The following FOXD2 variants were observed in gnomAD, a reference collection of about 807,000 sequenced individuals.
FOXD2 encodes forkhead box protein D2.
In FOXD2, 4 loss-of-function variants were observed where a neutral mutation model predicts 6.4. The ratio of observed to expected loss-of-function variants is 0.62; its 90% CI spans 0.31 to 1.42. The LOEUF is 1.42. Among genes scored for constraint, FOXD2 ranks in the 40% most tolerant of loss-of-function variants. FOXD2 has a pLI of 0.08. For synonymous variants in FOXD2, 393 were observed against 373.6 expected (o/e 1.05, Z -0.60); for missense variants, 709 against 766.8 (o/e 0.92, Z 0.89).
rs909981481 is a variant in FOXD2, at chr1:47,439,304, G to A, written c.1169G>A (p.Gly390Asp). 3 of 1,480,980 alleles carry A rather than the reference G, an allele frequency of 2.0e-6. No homozygotes were observed. Among genetic ancestry groups the A allele is most frequent in the Admixed American group, 5.3e-5 (2 of 37,850 alleles). 91.7% of individuals were successfully genotyped at this position (1,480,980 alleles called of 1,614,324 possible). ...CTGCCCACCGCACTTCTGCGCCAGG[G>A]CCTCAAGACGGACGCGGGCGGTGGT... is the stretch of plus-strand genomic sequence containing the variant. ...AGLPTALLRQ[G>D]LKTDAGGGAG... The change falls in exon 1 of 1, where the codon GGC (glycine) becomes GAC (aspartate). Residue 390 changes from glycine to aspartate, a missense_variant. This residue lies in a region of FOXD2 where 322 missense variants were observed against 313.8 expected (regional missense o/e 1.03). Transcript: ENST00000334793.
rs1272259073 is a variant in FOXD2, at chr1:47,438,521, C to G, written c.386C>G (p.Pro129Arg). The G allele has an allele frequency of 6.2e-7, 1 of 1,609,332 alleles. No homozygotes were observed. The change falls in exon 1 of 1, where the codon CCC becomes CGC. Residue 129 changes from proline (P) to arginine (R), a missense_variant. This residue lies in a region of FOXD2 where 69 missense variants were observed against 145.6 expected (regional missense o/e 0.47). Coordinates refer to ENST00000334793, the MANE Select transcript of FOXD2 (RefSeq NM_004474.4). ...AATRSPLVKPPYSYIALITMA... is the reference protein window; with the variant it reads ...AATRSPLVKPRYSYIALITMA... ...ACGCGGAGCCCGCTGGTGAAGCCGC[C>G]CTACTCGTACATCGCGCTCATCACC...
chr1:47,439,762 T>C lies in FOXD2; in HGVS notation c.*139T>C. The C allele has an allele frequency of 2.7e-6, 2 of 740,744 alleles. No individual in the cohort carries two copies. The highest frequency in any genetic ancestry group is 4.3e-6 in the Non-Finnish European group (2 of 460,874). The allele number at this position is 740,744 out of a possible 1,614,324, so 45.9% of individuals were successfully genotyped here. On this transcript the variant is annotated 3_prime_UTR_variant, in exon 1 of 1. Coordinates refer to ENST00000334793, the MANE Select transcript of FOXD2 (RefSeq NM_004474.4). ...GCACGCGTGACACGGCACTTCAGGC[T>C]CCACGCACAGAATCTCGCAGATAGT...
In FOXD2 at chr1:47,439,559, C is replaced by T. The variant is rs746202252; in HGVS notation, c.1424C>T (p.Ala475Val). 3.2e-6 allele frequency: 5 copies of T among 1,555,344 alleles called. No individual in the cohort carries two copies. In the East Asian group the frequency reaches 1.2e-4, roughly 37 times the overall value. The change falls in exon 1 of 1, where the codon GCG (alanine) becomes GTG (valine). Residue 475 changes from alanine (A) to valine (V), a missense_variant. Transcript: ENST00000334793. ...ATTCGCCTCTCGCATCCCGGGGACG[C>T]GCTGCTGTCCTCAGGGTCCCGGTTT... The part of the protein sequence containing the change: ...GHIRLSHPGD[A>V]LLSSGSRFAS...
rs1326050737 is a variant in FOXD2, at chr1:47,438,204, C to A, written c.69C>A (p.Ala23=). ...GCTCCCCGGCCGCGCTGTCCGAGGC[C>A]GACGCAGACATAGACGTGGTGGGCG... ...SESSPAALSE[A]DADIDVVGGG... The change falls in exon 1 of 1, where the codon GCC becomes GCA. Residue 23 remains alanine (A), a synonymous_variant. Transcript: ENST00000334793. The A allele has an allele frequency of 6.9e-7, 1 of 1,457,260 alleles. No homozygotes were observed. The highest frequency in any genetic ancestry group is 9.0e-7 in the Non-Finnish European group (1 of 1,109,560). The allele number at this position is 1,457,260 out of a possible 1,614,324, so 90.3% of individuals were successfully genotyped here. A position where few individuals can be genotyped will look rare whatever the true frequency, so the allele number is the denominator to read the frequency against.
rs1444951858 is a variant in FOXD2, at chr1:47,438,981, G to A, written c.846G>A (p.Pro282=). 4.2e-6 allele frequency: 6 copies of A among 1,425,774 alleles called. No homozygotes were observed. Among genetic ancestry groups the A allele is most frequent in the Admixed American group, 3.0e-5 (1 of 33,576 alleles). 88.3% of individuals were successfully genotyped at this position (1,425,774 alleles called of 1,614,324 possible). The change falls in exon 1 of 1, where the codon CCG becomes CCA. Residue 282 remains proline, a synonymous_variant. Coordinates refer to ENST00000334793, the MANE Select transcript of FOXD2 (RefSeq NM_004474.4). ...TCCCGGCCTACGGCGCACCCCCGCC[G>A]GGGCCGGCCCCGCATCCGCACCCGC... ...LALPAYGAPP[P]GPAPHPHPHP...
chr1:47,439,034 C>T lies in FOXD2; in HGVS notation c.899C>T (p.Ala300Val). ...PHPHAFAFAAAAAAAPCQLSV... is the reference protein window; with the variant it reads ...PHPHAFAFAAVAAAAPCQLSV... ...CCGCACGCCTTCGCTTTCGCCGCGG[C>T]AGCCGCCGCCGCTCCTTGCCAGCTG... The change falls in exon 1 of 1, where the codon GCA (alanine) becomes GTA (valine). Residue 300 changes from alanine (A) to valine (V), a missense_variant. Physicochemically the swap from Ala to Val is moderately conservative, Grantham distance 64 (BLOSUM62 0). This residue lies in a region of FOXD2 where 322 missense variants were observed against 313.8 expected (regional missense o/e 1.03). Transcript: ENST00000334793. The T allele has an allele frequency of 6.9e-7, 1 of 1,440,906 alleles. No individual in the cohort carries two copies. The highest frequency in any genetic ancestry group is 9.1e-7 in the Non-Finnish European group (1 of 1,102,044). The allele number at this position is 1,440,906 out of a possible 1,614,324, so 89.3% of individuals were successfully genotyped here.
Position 47,438,764 on chromosome 1 carries a change from T to A in FOXD2, c.629T>A (p.Met210Lys). 1 of 1,613,758 alleles carries A rather than the reference T, an allele frequency of 6.2e-7. No individual in the cohort carries two copies. The highest frequency in any genetic ancestry group is 8.5e-7 in the Non-Finnish European group (1 of 1,179,910). The change falls in exon 1 of 1, where the codon ATG (methionine) becomes AAG (lysine). Residue 210 changes from methionine to lysine, a missense_variant. By Grantham distance (95) the Met-to-Lys change is moderately conservative. This residue lies in a region of FOXD2 where 69 missense variants were observed against 145.6 expected (regional missense o/e 0.47). Transcript: ENST00000334793. Reference protein sequence around the residue: ...YWTLDPESADMFDNGSFLRRR... With the variant: ...YWTLDPESADKFDNGSFLRRR... ...ACGCTGGACCCGGAGTCGGCCGACA[T>A]GTTCGACAACGGCAGCTTCCTGCGG... is the stretch of plus-strand genomic sequence containing the variant.
Position 47,439,228 on chromosome 1 carries a change from G to A in FOXD2, c.1093G>A (p.Ala365Thr). ...FLGAELGCAK[A>T]FYAASLSPPA... ...GGGCGCGGAGCTGGGCTGCGCCAAA[G>A]CCTTCTACGCGGCGTCCCTGAGTCC... The change falls in exon 1 of 1, where the codon GCC (alanine) becomes ACC (threonine). Residue 365 changes from alanine (A) to threonine (T), a missense_variant. Transcript: ENST00000334793. The A allele has an allele frequency of 2.0e-6, 3 of 1,491,330 alleles. No homozygotes were observed. The highest frequency in any genetic ancestry group is 2.8e-5 in the East Asian group (1 of 35,484). 92.4% of individuals were successfully genotyped at this position (1,491,330 alleles called of 1,614,324 possible). A position where few individuals can be genotyped will look rare whatever the true frequency, so the allele number is the denominator to read the frequency against.
rs951196688 is a variant in FOXD2, at chr1:47,439,265, G to T, written c.1130G>T (p.Gly377Val). The T allele has an allele frequency of 1.3e-6, 2 of 1,504,052 alleles. No homozygotes were observed. The highest frequency in any genetic ancestry group is 1.8e-6 in the Non-Finnish European group (2 of 1,138,186). 93.2% of individuals were successfully genotyped at this position (1,504,052 alleles called of 1,614,324 possible). A position where few individuals can be genotyped will look rare whatever the true frequency, so the allele number is the denominator to read the frequency against. ...GCGTCCCTGAGTCCTCCCGCAGCCG[G>T]CACCGCGGCGGGTCTGCCCACCGCA... ...YAASLSPPAA[G>V]TAAGLPTALL... Residue 377 changes from glycine (G) to valine (V), a missense_variant, in exon 1 of 1, where the codon GGC (glycine) becomes GTC (valine). Gly to Val is a moderately radical substitution (Grantham distance 109, BLOSUM62 -3). This residue lies in a region of FOXD2 where 322 missense variants were observed against 313.8 expected (regional missense o/e 1.03). Transcript: ENST00000334793.
rs1646987825 is a variant in FOXD2 at position 47,438,497 on chromosome 1, C to CGCGGAGCCCGCTGGTGAA, written c.365_382dup (p.Arg122_Lys127dup). 6 of 1,583,474 alleles carry CGCGGAGCCCGCTGGTGAA rather than the reference C, an allele frequency of 3.8e-6. No homozygotes were observed. Among genetic ancestry groups the CGCGGAGCCCGCTGGTGAA allele is most frequent in the Non-Finnish European group, 5.1e-6 (6 of 1,166,512 alleles). On this transcript the variant is annotated inframe_insertion, in exon 1 of 1. Coordinates refer to ENST00000334793, the MANE Select transcript of FOXD2 (RefSeq NM_004474.4). ...GGACCGCCGTCGGGGGGCGCGGCGA[C>CGCGGAGCCCGCTGGTGAA]GCGGAGCCCGCTGGTGAAGCCGCCC...
rs944958034 is a variant in FOXD2, at chr1:47,438,064, A to G, written c.-72A>G. On this transcript the variant is annotated 5_prime_UTR_variant, in exon 1 of 1. Coordinates refer to ENST00000334793, the MANE Select transcript of FOXD2 (RefSeq NM_004474.4). ...CGCGCGCAAAACGCACTCGCCCCAG[A>G]GGCAGCGCGGCCGAGCCCGAGCCGC... The G allele has an allele frequency of 1.3e-5, 17 of 1,282,550 alleles. No individual in the cohort carries two copies. Among genetic ancestry groups the G allele is most frequent in the Admixed American group, 1.3e-4 (3 of 23,644 alleles). The allele number at this position is 1,282,550 out of a possible 1,614,324, so 79.4% of individuals were successfully genotyped here.
In FOXD2 at chr1:47,438,084, A is replaced by G; in HGVS notation, c.-52A>G. The G allele has an allele frequency of 1.5e-6, 2 of 1,328,772 alleles. No individual in the cohort carries two copies. The highest frequency in any genetic ancestry group is 1.9e-6 in the Non-Finnish European group (2 of 1,044,876). The allele number at this position is 1,328,772 out of a possible 1,614,324, so 82.3% of individuals were successfully genotyped here. Reference sequence around the variant, plus strand: ...CCCAGAGGCAGCGCGGCCGAGCCCGAGCCGCTGCCGGAGCGGAGCCGGAGA... The same window carrying G: ...CCCAGAGGCAGCGCGGCCGAGCCCGGGCCGCTGCCGGAGCGGAGCCGGAGA... On this transcript the variant is annotated 5_prime_UTR_variant, in exon 1 of 1. Transcript: ENST00000334793.
In FOXD2 at chr1:47,438,044, G is replaced by C. The variant is rs920394446; in HGVS notation, c.-92G>C. The C allele has an allele frequency of 1.7e-6, 2 of 1,198,608 alleles. No individual in the cohort carries two copies. The highest frequency in any genetic ancestry group is 1.1e-6 in the Non-Finnish European group (1 of 951,736). 74.2% of individuals were successfully genotyped at this position (1,198,608 alleles called of 1,614,324 possible). A position where few individuals can be genotyped will look rare whatever the true frequency, so the allele number is the denominator to read the frequency against. ...TCCCCCGCCCCCTCCCCGCCCGCGC[G>C]CAAAACGCACTCGCCCCAGAGGCAG... On this transcript the variant is annotated 5_prime_UTR_variant, in exon 1 of 1. Coordinates refer to ENST00000334793, the MANE Select transcript of FOXD2 (RefSeq NM_004474.4).
At position 47,439,344 on chromosome 1, in the gene FOXD2, C is replaced by A. The variant is rs779937271; in HGVS notation, c.1209C>A (p.Gly403=). The A allele has an allele frequency of 1.0e-5, 15 of 1,488,830 alleles. No individual in the cohort carries two copies. The highest frequency in any genetic ancestry group is 1.8e-4 in the Middle Eastern group (1 of 5,420). 92.2% of individuals were successfully genotyped at this position (1,488,830 alleles called of 1,614,324 possible). The change falls in exon 1 of 1, where the codon GGC becomes GGA. Residue 403 remains glycine, a synonymous_variant. Coordinates refer to ENST00000334793, the MANE Select transcript of FOXD2 (RefSeq NM_004474.4). Reference sequence around the variant, plus strand: ...CGGGCGGTGGTGCAGGCGGCGGGGGCGCCGGGGCAGGGCAGAGGCCTTCCT... The same window carrying A: ...CGGGCGGTGGTGCAGGCGGCGGGGGAGCCGGGGCAGGGCAGAGGCCTTCCT... The part of the protein sequence containing the change: ...TDAGGGAGGG[G]AGAGQRPSFS...
chr1:47,438,911 G>A lies in FOXD2; in HGVS notation c.776G>A (p.Gly259Asp), dbSNP rs746719035. The stretch of plus-strand genomic sequence containing the variant: ...GGGGATCCCGGCGCTTTCCTGCCCG[G>A]CTTCGCTGCCTACGGCGCCTACGGC... ...AAGDPGAFLP[G>D]FAAYGAYGYG... The change falls in exon 1 of 1, where the codon GGC becomes GAC. Residue 259 changes from glycine (G) to aspartate (D), a missense_variant. Transcript: ENST00000334793. 3 of 1,542,570 alleles carry A rather than the reference G, an allele frequency of 1.9e-6. No individual in the cohort carries two copies. The highest frequency in any genetic ancestry group is 2.4e-5 in the South Asian group (2 of 83,922).
At position 47,439,075 on chromosome 1, in the gene FOXD2, C is replaced by A; in HGVS notation, c.940C>A (p.Arg314Ser). Reference protein sequence around the residue: ...APCQLSVPPGRAAAPPPGPPT... With the variant: ...APCQLSVPPGSAAAPPPGPPT... ...TTGCCAGCTGTCGGTACCCCCAGGC[C>A]GCGCCGCCGCGCCTCCACCCGGACC... Residue 314 changes from arginine to serine, a missense_variant, in exon 1 of 1, where the codon CGC becomes AGC. Transcript: ENST00000334793. 1 of 1,448,642 alleles carries A rather than the reference C, an allele frequency of 6.9e-7. No individual in the cohort carries two copies. Among genetic ancestry groups the A allele is most frequent in the Non-Finnish European group, 9.0e-7 (1 of 1,105,446 alleles). The allele number at this position is 1,448,642 out of a possible 1,614,324, so 89.7% of individuals were successfully genotyped here.
Position 47,439,035 on chromosome 1 carries a change from AGCC to A in FOXD2, c.909_911del (p.Ala304del), listed in dbSNP as rs1464512637. 11 of 1,436,174 alleles carry A rather than the reference AGCC, an allele frequency of 7.7e-6. No homozygotes were observed. Among genetic ancestry groups the A allele is most frequent in the Admixed American group, 5.4e-5 (2 of 37,248 alleles). 89.0% of individuals were successfully genotyped at this position (1,436,174 alleles called of 1,614,324 possible). A position where few individuals can be genotyped will look rare whatever the true frequency, so the allele number is the denominator to read the frequency against. ...CGCACGCCTTCGCTTTCGCCGCGGC[AGCC>A]GCCGCCGCTCCTTGCCAGCTGTCGG... is the stretch of plus-strand genomic sequence containing the variant. On this transcript the variant is annotated inframe_deletion, in exon 1 of 1. Coordinates refer to ENST00000334793, the MANE Select transcript of FOXD2 (RefSeq NM_004474.4).
Position 47,439,445 on chromosome 1 carries a change from C to A in FOXD2, c.1310C>A (p.Pro437Gln), listed in dbSNP as rs767115179. 1.9e-6 allele frequency: 3 copies of A among 1,542,000 alleles called. No homozygotes were observed. Among genetic ancestry groups the A allele is most frequent in the South Asian group, 1.2e-5 (1 of 84,278 alleles). ...GGCGCCGGCGAGGGCTCTCCGGGAC[C>A]GCCATTCGCGGCAGCCGCGGGTCCT... The part of the protein sequence containing the change: ...PPGAGEGSPG[P>Q]PFAAAAGPGG... The change falls in exon 1 of 1, where the codon CCG becomes CAG. Residue 437 changes from proline (P) to glutamine (Q), a missense_variant. By Grantham distance (76) the Pro-to-Gln change is moderately conservative. Coordinates refer to ENST00000334793, the MANE Select transcript of FOXD2 (RefSeq NM_004474.4).
chr1:47,438,286 G>C lies in FOXD2; in HGVS notation c.151G>C (p.Val51Leu). 7.5e-7 allele frequency: 1 copy of C among 1,339,392 alleles called. No homozygotes were observed. Among genetic ancestry groups the C allele is most frequent in the Non-Finnish European group, 9.5e-7 (1 of 1,047,776 alleles). 83.0% of individuals were successfully genotyped at this position (1,339,392 alleles called of 1,614,324 possible). The change falls in exon 1 of 1, where the codon GTG becomes CTG. Residue 51 changes from valine to leucine, a missense_variant. This residue lies in a region of FOXD2 where 220 missense variants were observed against 199.2 expected (regional missense o/e 1.10). Coordinates refer to ENST00000334793, the MANE Select transcript of FOXD2 (RefSeq NM_004474.4). ...ARSGPRAPRD[V>L]LPHGHEPPAE... ...CTCCGGGCCCCGCGCCCCCCGGGAC[G>C]TGCTCCCCCACGGCCACGAGCCTCC...
Sources: gnomAD v4.1 joint callset for allele counts on GRCh38, gnomAD v4.1.1 for gene constraint, gnomAD v4.1.1 regional missense constraint, MANE v1.5 for transcripts, NCBI Gene and HGNC (gene_info 2026-07-23, HGNC 2026-07-21) for gene names.